Variants in BST1 observed in about 807,000 individuals in gnomAD.
The protein encoded by BST1 is ADP-ribosyl cyclase/cyclic ADP-ribose hydrolase 2.
Under a neutral mutation model 40.6 loss-of-function variants are expected in BST1, and 49 were observed. The ratio of observed to expected loss-of-function variants is 1.21; its 90% confidence interval spans 0.96 to 1.53. BST1 has a LOEUF of 1.53. BST1 is among the 40% of genes most tolerant of loss of function. The pLI is 0.00. For missense variants in BST1, 423 were observed against 395.9 expected (o/e 1.07, Z -0.58); for synonymous variants, 157 against 159.3 (o/e 0.99, Z 0.11).
At chr4:15,726,420 T>C (rs553866046) in intron 8 of BST1, among the ~76,000 whole-genome samples, 2 of 152,314 alleles carry the variant, frequency 1.3e-5, no homozygotes, top group Admixed American at 1.3e-4. Flanking sequence ...TCAAAGGTGC[T>C]GGGCAGCCAG....
downstream of BST1, among the ~76,000 whole-genome samples, chr4:15,737,246 C>T (rs1005693988): frequency 6.6e-6 from 1 of 152,208 alleles, no homozygotes; most frequent in Admixed American, 6.5e-5. Context: ...TGTCTAAACA[C>T]CATCTGCAAT....
intron 3 of BST1, among the ~76,000 whole-genome samples, chr4:15,708,653 T>C (rs1268273115): frequency 6.6e-6 from 1 of 152,016 alleles, no homozygotes; most frequent in South Asian, 2.1e-4. Flanking sequence ...CCGAGGTGGG[T>C]GGATCATTTG....
At chr4:15,738,957 G>A (rs1022300438), downstream of BST1, among the ~76,000 whole-genome samples, 1 of 152,218 alleles carries the variant, frequency 6.6e-6, no homozygotes, top group African/African-American at 2.4e-5. Context: ...TCTTTCTGAA[G>A]TTTCCCAGGG....
At chr4:15,745,948 G>C in the BST1 span, among the ~76,000 whole-genome samples, 2 of 152,182 alleles carry the variant, frequency 1.3e-5, no homozygotes, top group Non-Finnish European at 2.9e-5. Context: ...AGAATGCTTA[G>C]ACAAAGGTTA....
chr4:15,706,141 A>G (rs1402919057), intron 2 of BST1, among the ~76,000 whole-genome samples: 1 of 152,210 alleles, frequency 6.6e-6, no homozygotes, highest in African/African-American at 2.4e-5. Context: ...CACCTCCAAC[A>G]TAGGGGATTA....
At chr4:15,774,144 G>C in the BST1 span, among the ~76,000 whole-genome samples, 1 of 152,152 alleles carries the variant, frequency 6.6e-6, no homozygotes, top group African/African-American at 2.4e-5. Context: ...GGAAGACCAC[G>C]TGCAGACAGA....
chr4:15,717,576 A>G (rs2148886805), intron 6 of BST1, among the ~76,000 whole-genome samples: 2 of 152,328 alleles, frequency 1.3e-5, no homozygotes, highest in South Asian at 4.1e-4. Context: ...TTCCTATAAA[A>G]GCCTTAAAAT....
chr4:15,753,982 G>A, the BST1 span, among the ~76,000 whole-genome samples: 7 of 152,296 alleles, frequency 4.6e-5, no homozygotes, highest in East Asian at 1.4e-3. Flanking sequence ...ATGGATAACC[G>A]GACCTCAGTC....
At chr4:15,715,466 T>C in intron 5 of BST1, 105 bp downstream of exon 5, 1 of 1,226,302 alleles carries the variant, frequency 8.2e-7, no homozygotes, top group South Asian at 1.3e-5. Context: ...ATCTCATGCG[T>C]GCTTCTGTAA....
chr4:15,741,982 C>T (rs1560293393), downstream of BST1, among the ~76,000 whole-genome samples: 3 of 152,168 alleles, frequency 2.0e-5, no homozygotes, highest in African/African-American at 7.2e-5. Flanking sequence ...GCCTCCTTCA[C>T]CAACATACAG....
At chr4:15,712,173 A>C (rs1315077087) in intron 4 of BST1, among the ~76,000 whole-genome samples, 1 of 152,212 alleles carries the variant, frequency 6.6e-6, no homozygotes, top group Non-Finnish European at 1.5e-5. Flanking sequence ...CCTGGTTATC[A>C]TTAGTATTTC....
downstream of BST1, chr4:15,735,951 A>C (rs867083240): frequency 1.6e-6 from 1 of 613,488 alleles, no homozygotes; most frequent in Non-Finnish European, 2.5e-6. Flanking sequence ...AAATCTACAC[A>C]ATACAGAAAA....
chr4:15,740,154 A>G (rs1721709984), downstream of BST1, among the ~76,000 whole-genome samples: 1 of 152,160 alleles, frequency 6.6e-6, no homozygotes, highest in Non-Finnish European at 1.5e-5. Flanking sequence ...CCCAGGTTCA[A>G]GTGATTCTCA....
chr4:15,736,325 C>T (rs568810385), downstream of BST1, among the ~76,000 whole-genome samples: 8 of 152,180 alleles, frequency 5.3e-5, no homozygotes, highest in South Asian at 1.7e-3. Context: ...ATTTTAAAAT[C>T]TGCTCTTCAA....
At chr4:15,758,016 T>G in the BST1 span, among the ~76,000 whole-genome samples, 1 of 152,252 alleles carries the variant, frequency 6.6e-6, no homozygotes, top group Non-Finnish European at 1.5e-5. Context: ...CAATTTTTAT[T>G]GTAAATTGAC....
At chr4:15,768,624 G>C in the BST1 span, among the ~76,000 whole-genome samples, 1 of 151,790 alleles carries the variant, frequency 6.6e-6, no homozygotes, top group African/African-American at 2.4e-5. Context: ...CTCCCGAGTA[G>C]CTGGGACTAC....
the BST1 span, among the ~76,000 whole-genome samples, chr4:15,754,574 G>A: frequency 2.0e-5 from 3 of 152,180 alleles, no homozygotes; most frequent in Admixed American, 6.5e-5. Context: ...AAGAATCAAC[G>A]TCAGATGTAG....
intron 7 of BST1, among the ~76,000 whole-genome samples, chr4:15,720,787 T>C (rs1720768451): frequency 6.6e-6 from 1 of 151,868 alleles, no homozygotes; most frequent in Non-Finnish European, 1.5e-5. Flanking sequence ...CAGGACCTGG[T>C]CTCAAAATAA....
At chr4:15,720,139 C>A (rs933748132) in intron 7 of BST1, among the ~76,000 whole-genome samples, 3 of 152,056 alleles carry the variant, frequency 2.0e-5, no homozygotes, top group Admixed American at 6.5e-5. Flanking sequence ...TTGGTCACCA[C>A]CCCCATAGTA....
Sources: allele counts gnomAD v4.1 joint callset (sites outside exome capture counted in the v4.1 genomes callset), GRCh38; gene constraint gnomAD v4.1.1; transcripts MANE v1.5; gene names NCBI Gene and HGNC (gene_info 2026-07-23, HGNC 2026-07-21).